KDM6A: variants seen among roughly 807,000 people sequenced by gnomAD.
KDM6A encodes lysine demethylase 6A.
Under a neutral mutation model 117.6 loss-of-function variants are expected in KDM6A, and 11 were observed. The observed-to-expected ratio is 0.09, with a 90% CI of 0.06 to 0.15. The LOEUF is 0.15. Among genes scored for constraint, KDM6A ranks in the 10% least tolerant of loss-of-function variants. The pLI, the probability that KDM6A is intolerant of heterozygous loss-of-function variation, is 1.00. For synonymous variants in KDM6A, 384 were observed against 396.1 expected, an observed-to-expected ratio of 0.97 and a Z score of 0.36; for missense variants, 799 against 1,077.3, an observed-to-expected ratio of 0.74 and a Z score of 3.62.
chrX:44,894,863 G>A (rs2033686595), intron 2 of KDM6A, among the ~76,000 whole-genome samples: 1 of 107,248 alleles, frequency 9.3e-6, no homozygotes, highest in African/African-American at 3.4e-5. Context: ...CGGCTCCCGG[G>A]TTCAAGTGAT....
Position 44,977,253 on chromosome X carries a change from C to A in KDM6A, c.384+2538C>A, listed in dbSNP as rs144282849. Among the ~76,000 whole-genome samples the A allele has an allele frequency of 2.5e-3, 275 of 110,143 alleles. 2 individuals carry two copies. Among genetic ancestry groups the A allele is most frequent in the East Asian group, 0.025 (87 of 3,511 alleles). The stretch of plus-strand genomic sequence containing the variant: ...TAGTCTAGTAAAAGTGTCTCTCTCT[C>A]TATATATATAGTTTTTTAGAGACAA... On this transcript the variant is annotated intron_variant, in intron 4 of 29. Coordinates refer to ENST00000611820, the MANE Select transcript of KDM6A (RefSeq NM_001291415.2).
At chrX:45,003,393 T>C (rs1168688567) in intron 4 of KDM6A, among the ~76,000 whole-genome samples, 1 of 80,682 alleles carries the variant, frequency 1.2e-5, no homozygotes, top group Non-Finnish European at 2.2e-5. Flanking sequence ...GAATTATCCT[T>C]CTTTTTTTTT....
chrX:44,956,938 T>A (rs2038365873), intron 2 of KDM6A, among the ~76,000 whole-genome samples: 1 of 110,307 alleles, frequency 9.1e-6, no homozygotes, highest in Non-Finnish European at 1.9e-5. Context: ...GAGACCAGCC[T>A]GGCCAACATG....
chrX:44,944,769 C>A (rs2037537277), intron 2 of KDM6A, among the ~76,000 whole-genome samples: 1 of 112,038 alleles, frequency 8.9e-6, no homozygotes, highest in Admixed American at 9.5e-5. Context: ...GACTTTGTAG[C>A]ATATGTCCTT....
intron 2 of KDM6A, among the ~76,000 whole-genome samples, chrX:44,924,648 G>GGTGTGTGT (rs112587323): frequency 2.6e-3 from 237 of 90,444 alleles, no homozygotes; most frequent in South Asian, 4.9e-3. Context: ...GGTGGTCCTG[G>GGTGTGTGT]GTGTGTGTGT....
chrX:45,056,901 A>G (rs2044094983), intron 10 of KDM6A, among the ~76,000 whole-genome samples: 1 of 111,786 alleles, frequency 8.9e-6, no homozygotes, highest in Admixed American at 9.5e-5. Context: ...ACAGAAGAGC[A>G]TGTTTTCTAC....
chrX:45,089,525 CAAA>C (rs766771357), intron 25 of KDM6A, among the ~76,000 whole-genome samples: 6 of 51,064 alleles, frequency 1.2e-4, no homozygotes, highest in Non-Finnish European at 7.6e-5. Context: ...GACTTTGTCT[CAAA>C]AAAAAAAAAA....
At chrX:45,076,901 C>CA in intron 19 of KDM6A, 75 bp downstream of exon 19, 1 of 909,299 alleles carries the variant, frequency 1.1e-6, no homozygotes, top group Non-Finnish European at 1.6e-6. Flanking sequence ...TTTAAATTTA[C>CA]ATGGATGCCC....
rs2044404907 is a variant in KDM6A, at chrX:45,063,738, T to G, written c.2000T>G (p.Leu667Arg). 8.3e-7 allele frequency: 1 copy of G among 1,207,250 alleles called. No individual in the cohort carries two copies. The highest frequency in any genetic ancestry group is 2.2e-5 in the Admixed American group (1 of 45,618). Residue 667 changes from leucine (L) to arginine (R), a missense_variant, in exon 17 of 30, where the codon CTC becomes CGC. Coordinates refer to ENST00000611820, the MANE Select transcript of KDM6A (RefSeq NM_001291415.2). Reference protein sequence around the residue: ...GNVPYLQRNALTLPHNRTNLT... With the variant: ...GNVPYLQRNARTLPHNRTNLT... ...GTGCCTTACCTGCAGCGAAACGCACTCACTCTACCTCATAACCGCACAAAC... is the reference window on the plus strand; with the variant it reads ...GTGCCTTACCTGCAGCGAAACGCACGCACTCTACCTCATAACCGCACAAAC...
At chrX:45,040,704 C>T (rs1178894539) in intron 8 of KDM6A, among the ~76,000 whole-genome samples, 3 of 64,906 alleles carry the variant, frequency 4.6e-5, no homozygotes, top group African/African-American at 6.5e-5. Flanking sequence ...CCGGACGGGG[C>T]GGCTGGACGG....
At chrX:44,954,210 T>A (rs374723821) in intron 2 of KDM6A, among the ~76,000 whole-genome samples, 2 of 110,786 alleles carry the variant, frequency 1.8e-5, no homozygotes, top group East Asian at 5.6e-4. Context: ...TTATGGTGTT[T>A]TAAAAGCAGC....
At chrX:45,061,906 C>CTT (rs750023655) in intron 15 of KDM6A, among the ~76,000 whole-genome samples, 2 of 99,609 alleles carry the variant, frequency 2.0e-5, no homozygotes, top group African/African-American at 7.3e-5. Flanking sequence ...TTTTTAATTT[C>CTT]TTTTTTTTTT....
chrX:44,932,125 C>T (rs1189720515), intron 2 of KDM6A, among the ~76,000 whole-genome samples: 13 of 80,459 alleles, frequency 1.6e-4, no homozygotes, highest in Non-Finnish European at 2.7e-4. Flanking sequence ...GATGGAGTCT[C>T]GCTCTGTCTT....
intron 5 of KDM6A, among the ~76,000 whole-genome samples, chrX:45,020,129 T>C (rs756840616): frequency 9.0e-6 from 1 of 111,642 alleles, no homozygotes; most frequent in Admixed American, 9.5e-5. Context: ...CCGCACATAG[T>C]ATAAAAGATA....
Position 44,963,440 on chromosome X carries a change from A to AGTGTGTGTGTGTGTGT in KDM6A, c.334+2079_334+2094dup, listed in dbSNP as rs747821170. Among the ~76,000 whole-genome samples, 26 of 69,871 alleles carry AGTGTGTGTGTGTGTGT rather than the reference A, an allele frequency of 3.7e-4. 1 individual carries two copies. The highest frequency in any genetic ancestry group is 4.1e-4 in the African/African-American group (7 of 17,198). 60.7% of individuals were successfully genotyped at this position (69,871 alleles called of 115,157 possible). On this transcript the variant is annotated intron_variant, in intron 3 of 29. Coordinates refer to ENST00000611820, the MANE Select transcript of KDM6A (RefSeq NM_001291415.2). Reference sequence around the variant, plus strand: ...CACTGCACTCCAGCCAGGGTGACAGAGTGTGTGTGTGTGTGTGTGTGTGTG... The same window carrying AGTGTGTGTGTGTGTGT: ...CACTGCACTCCAGCCAGGGTGACAGAGTGTGTGTGTGTGTGTGTGTGTGTGTGTGTGTGTGTGTGTG...
At chrX:45,040,920 G>T (rs1223493010) in intron 8 of KDM6A, among the ~76,000 whole-genome samples, 3 of 62,600 alleles carry the variant, frequency 4.8e-5, no homozygotes, top group Admixed American at 4.7e-4. Flanking sequence ...GGGCAGAGGG[G>T]TCCTCACTTC....
intron 2 of KDM6A, among the ~76,000 whole-genome samples, chrX:44,897,165 TCTCTC>T (rs1569375218): frequency 3.7e-5 from 4 of 107,560 alleles, no homozygotes; most frequent in Non-Finnish European, 3.8e-5. Context: ...TAGTCTGTTT[TCTCTC>T]TTGTTTAGAT....
At chrX:45,111,259 A>G (rs1055301363) in intron 29 of KDM6A, 123 bp from the exon 30 acceptor site, 6 of 555,565 alleles carry the variant, frequency 1.1e-5, no homozygotes, top group African/African-American at 9.0e-5. Context: ...TTTATGTTGC[A>G]TAGCAGGCTG....
chrX:44,885,095 A>G (rs1276734450), intron 2 of KDM6A, among the ~76,000 whole-genome samples: 2 of 105,157 alleles, frequency 1.9e-5, no homozygotes, highest in South Asian at 8.6e-4. Context: ...GTGCATTGGC[A>G]TGATCACTGC....
Sources: allele counts gnomAD v4.1 joint callset (sites outside exome capture counted in the v4.1 genomes callset), GRCh38; gene constraint gnomAD v4.1.1; transcripts MANE v1.5; gene names NCBI Gene and HGNC (gene_info 2026-07-23, HGNC 2026-07-21).